MTMR3: variants seen among roughly 807,000 people sequenced by gnomAD.
The protein encoded by MTMR3 is myotubularin related protein 3.
In MTMR3, 32 loss-of-function variants were observed where a neutral mutation model predicts 132.4. That is an observed-to-expected ratio of 0.24 (90% confidence interval 0.18 to 0.32). The LOEUF is 0.32. Ranked by LOEUF, MTMR3 falls within the 10% of genes least tolerant of loss-of-function variation. The pLI, the probability that MTMR3 is intolerant of heterozygous loss-of-function variation, is 1.00. For missense variants in MTMR3, 1,216 were observed against 1,489.6 expected (o/e 0.82, Z 3.02); for synonymous variants, 556 against 550.3 (o/e 1.01, Z -0.14).
At chr22:30,005,158 T>C (rs2067249426) in intron 9 of MTMR3, 1 of 152,220 alleles carries the variant, frequency 6.6e-6, no homozygotes. Context: ...TATATAAAAT[T>C]GAAGCATTCT....
chr22:30,006,800 A>T, intron 9 of MTMR3: 1 of 305,048 alleles, frequency 3.3e-6, no homozygotes, highest in Non-Finnish European at 6.3e-6. Context: ...GGCTCAAGTG[A>T]TCCTCCTGCC....
chr22:30,003,399 AACTTTG>A, intron 9 of MTMR3: 1 of 154,194 alleles, frequency 6.5e-6, no homozygotes, highest in South Asian at 2.0e-4. Flanking sequence ...TTGTGGTTGA[AACTTTG>A]ACATGTGGAA....
At chr22:29,887,558 A>G (rs1378744261) in intron 1 of MTMR3, among the ~76,000 whole-genome samples, 1 of 152,124 alleles carries the variant, frequency 6.6e-6, no homozygotes, top group Non-Finnish European at 1.5e-5. Context: ...GGCTGGAGAA[A>G]CCTTTCAGCA....
At chr22:29,951,628 A>T (rs543549038) in intron 1 of MTMR3, among the ~76,000 whole-genome samples, 1 of 152,310 alleles carries the variant, frequency 6.6e-6, no homozygotes, top group South Asian at 2.1e-4. Flanking sequence ...AGTGATTTTT[A>T]AGCATTAATC....
intron 1 of MTMR3, among the ~76,000 whole-genome samples, chr22:29,917,613 C>A (rs1453772782): frequency 6.6e-6 from 1 of 152,144 alleles, no homozygotes; most frequent in Non-Finnish European, 1.5e-5. Flanking sequence ...TAATTTGAGC[C>A]TTTATTGTTC....
intron 1 of MTMR3, among the ~76,000 whole-genome samples, chr22:29,949,637 T>G (rs937466718): frequency 1.3e-5 from 2 of 152,004 alleles, no homozygotes; most frequent in African/African-American, 4.8e-5. Flanking sequence ...GCTCTTAATT[T>G]AAGCCTTATT....
At chr22:29,897,655 G>A (rs2064928874) in intron 1 of MTMR3, among the ~76,000 whole-genome samples, 1 of 151,972 alleles carries the variant, frequency 6.6e-6, no homozygotes, top group Non-Finnish European at 1.5e-5. Flanking sequence ...GTTTCACTAT[G>A]TTGGCCAGGC....
chr22:29,907,137 A>T (rs182450939), intron 1 of MTMR3, among the ~76,000 whole-genome samples: 32 of 151,742 alleles, frequency 2.1e-4, no homozygotes, highest in African/African-American at 7.3e-4. Context: ...GTGATGGGTC[A>T]CACCTGTAAT....
At chr22:29,941,759 G>A (rs997674292) in intron 1 of MTMR3, among the ~76,000 whole-genome samples, 1 of 152,116 alleles carries the variant, frequency 6.6e-6, no homozygotes, top group African/African-American at 2.4e-5. Context: ...GGGAAAATAT[G>A]TATGACATTT....
At chr22:29,952,299 A>G (rs1279801056) in intron 1 of MTMR3, among the ~76,000 whole-genome samples, 1 of 152,126 alleles carries the variant, frequency 6.6e-6, no homozygotes, top group East Asian at 1.9e-4. Context: ...CACAGCTGGC[A>G]GAGTAATGCA....
chr22:29,975,458 A>G (rs1056032703), intron 3 of MTMR3, among the ~76,000 whole-genome samples: 2 of 152,214 alleles, frequency 1.3e-5, no homozygotes, highest in Non-Finnish European at 2.9e-5. Context: ...AGTCCGTTAC[A>G]ATGTTTTCTT....
At chr22:30,016,787 T>C (rs73883359) in intron 15 of MTMR3, 89 bp downstream of exon 15, 109,601 of 1,406,372 alleles carry the variant, frequency 0.078, 4,812 homozygotes, top group African/African-American at 0.093. Context: ...GTGACTGTTT[T>C]TGTGAAGACA....
intron 9 of MTMR3, 99 bp downstream of exon 9, chr22:30,003,092 A>G: frequency 2.2e-6 from 2 of 901,330 alleles, no homozygotes; most frequent in Non-Finnish European, 1.8e-6. Context: ...GGGTGGGGAG[A>G]GTTCAGAGAA....
chr22:30,005,652 TC>T (rs1213354676), intron 9 of MTMR3: 1 of 152,202 alleles, frequency 6.6e-6, no homozygotes, highest in Non-Finnish European at 1.5e-5. Context: ...GCTACTTGTC[TC>T]CCAGGGAGGG....
At chr22:29,949,848 T>G (rs1213871200) in intron 1 of MTMR3, among the ~76,000 whole-genome samples, 1 of 152,156 alleles carries the variant, frequency 6.6e-6, no homozygotes, top group Non-Finnish European at 1.5e-5. Flanking sequence ...AAGATTATAA[T>G]TAGGAAAATT....
At chr22:29,946,324 A>G (rs1279523427) in intron 1 of MTMR3, among the ~76,000 whole-genome samples, 2 of 152,104 alleles carry the variant, frequency 1.3e-5, no homozygotes, top group Admixed American at 1.3e-4. Context: ...ATAGAGGTAA[A>G]GGTGCTAGAT....
At chr22:29,951,363 T>G (rs1278034370) in intron 1 of MTMR3, among the ~76,000 whole-genome samples, 2 of 152,182 alleles carry the variant, frequency 1.3e-5, no homozygotes, top group Non-Finnish European at 2.9e-5. Context: ...GGGTTGAGTT[T>G]AAAAGGAAAA....
intron 1 of MTMR3, among the ~76,000 whole-genome samples, chr22:29,943,531 A>C (rs981709592): frequency 6.6e-6 from 1 of 152,062 alleles, no homozygotes; most frequent in African/African-American, 2.4e-5. Context: ...CCACTCTTTT[A>C]GTATATAAGT....
At chr22:30,006,282 C>A (rs759704838) in intron 9 of MTMR3, 8 of 152,176 alleles carry the variant, frequency 5.3e-5, no homozygotes, top group Non-Finnish European at 1.2e-4. Context: ...GAGGTTGATG[C>A]TCTTCTTCTC....
Sources: gnomAD v4.1 joint callset for allele counts (sites outside exome capture counted in the v4.1 genomes callset) on GRCh38, gnomAD v4.1.1 for gene constraint, MANE v1.5 for transcripts, NCBI Gene and HGNC (gene_info 2026-07-23, HGNC 2026-07-21) for gene names.